NRXN1: variants seen among roughly 807,000 people sequenced by gnomAD.
NRXN1 encodes the protein neurexin-1.
In NRXN1, 39 loss-of-function variants were observed where a neutral mutation model predicts 150.9. The observed-to-expected ratio is 0.26, with a 90% confidence interval of 0.20 to 0.34. The LOEUF (loss-of-function observed/expected upper bound fraction) is 0.34, where lower values mean the gene tolerates loss of function less well. NRXN1 is among the 10% of genes least tolerant of loss of function. NRXN1 has a pLI of 1.00. For synonymous variants in NRXN1, 924 were observed against 757.0 expected (o/e 1.22, Z -3.62); for missense variants, 1,815 against 1,949.9 (o/e 0.93, Z 1.30).
At chr2:50,990,842 G>A (rs559678777) in intron 2 of NRXN1, among the ~76,000 whole-genome samples, 1 of 152,090 alleles carries the variant, frequency 6.6e-6, no homozygotes, top group Admixed American at 6.6e-5. Flanking sequence ...TTTCCCAGGT[G>A]GAGACCTCGC....
intron 19 of NRXN1, among the ~76,000 whole-genome samples, chr2:50,087,034 CT>C (rs1460101333): frequency 1.3e-5 from 2 of 152,062 alleles, no homozygotes; most frequent in Admixed American, 6.5e-5. Flanking sequence ...CTAATCCTTC[CT>C]AAATGAATGC....
chr2:50,595,188 CTGAGTA>C (rs989571424), intron 8 of NRXN1, among the ~76,000 whole-genome samples: 3 of 151,868 alleles, frequency 2.0e-5, no homozygotes, highest in African/African-American at 7.3e-5. Context: ...CCTCAGTGTG[CTGAGTA>C]TAAGACACTC....
At chr2:50,080,252 T>C (rs565855263) in intron 19 of NRXN1, among the ~76,000 whole-genome samples, 1 of 152,298 alleles carries the variant, frequency 6.6e-6, no homozygotes, top group African/African-American at 2.4e-5. Flanking sequence ...ACTTTTATTA[T>C]GGCATATTGT....
At chr2:50,748,049 C>A (rs1255462673) in intron 5 of NRXN1, among the ~76,000 whole-genome samples, 4 of 152,176 alleles carry the variant, frequency 2.6e-5, no homozygotes. Context: ...TCACAAGCAT[C>A]ACTTCCCTTA....
intron 9 of NRXN1, among the ~76,000 whole-genome samples, chr2:50,549,561 T>C (rs1047878018): frequency 2.0e-5 from 3 of 152,208 alleles, no homozygotes; most frequent in African/African-American, 4.8e-5. Context: ...TCGTTTATTT[T>C]CTTTCTTAGA....
chr2:50,525,317 C>T (rs1460129839), intron 12 of NRXN1, among the ~76,000 whole-genome samples: 1 of 152,170 alleles, frequency 6.6e-6, no homozygotes, highest in South Asian at 2.1e-4. Flanking sequence ...TGTGTTCCTT[C>T]GTTAATTCAG....
At chr2:50,511,861 T>A (rs1339288215) in intron 12 of NRXN1, among the ~76,000 whole-genome samples, 1 of 152,202 alleles carries the variant, frequency 6.6e-6, no homozygotes, top group African/African-American at 2.4e-5. Flanking sequence ...TGACTTTTAC[T>A]TCCATTTTCA....
chr2:50,083,059 A>T (rs1379784548), intron 19 of NRXN1, among the ~76,000 whole-genome samples: 2 of 152,208 alleles, frequency 1.3e-5, no homozygotes, highest in African/African-American at 4.8e-5. Flanking sequence ...TTGCCTGGAC[A>T]ATTATCAAAT....
At chr2:50,860,041 G>C (rs1263544044) in intron 5 of NRXN1, among the ~76,000 whole-genome samples, 1 of 151,910 alleles carries the variant, frequency 6.6e-6, no homozygotes, top group African/African-American at 2.4e-5. Context: ...TTAAAATCTA[G>C]TTTAGCATGG....
At chr2:49,998,111 A>G (rs995288196) in intron 21 of NRXN1, among the ~76,000 whole-genome samples, 2 of 152,210 alleles carry the variant, frequency 1.3e-5, no homozygotes, top group African/African-American at 4.8e-5. Flanking sequence ...TGTAGTCTGC[A>G]TGCTTTTATC....
intron 12 of NRXN1, among the ~76,000 whole-genome samples, chr2:50,522,355 T>C (rs2092811267): frequency 6.6e-6 from 1 of 152,230 alleles, no homozygotes; most frequent in Non-Finnish European, 1.5e-5. Flanking sequence ...TTGAAGAGAA[T>C]TTGATCAATT....
chr2:50,069,123 C>T (rs1320872435), intron 19 of NRXN1, among the ~76,000 whole-genome samples: 1 of 152,162 alleles, frequency 6.6e-6, no homozygotes, highest in Non-Finnish European at 1.5e-5. Flanking sequence ...AAAAGCTGTT[C>T]CCAGAATAAG....
intron 5 of NRXN1, among the ~76,000 whole-genome samples, chr2:50,685,378 C>T (rs1691070660): frequency 1.3e-5 from 2 of 152,128 alleles, no homozygotes; most frequent in Non-Finnish European, 2.9e-5. Flanking sequence ...CCTGATCTGA[C>T]CTTACTGCCA....
intron 21 of NRXN1, chr2:50,016,596 G>C (rs1421688628): frequency 6.6e-6 from 1 of 152,168 alleles, no homozygotes; most frequent in Non-Finnish European, 1.5e-5. Flanking sequence ...AGAGAAATTA[G>C]TGCCCGCAGG....
rs77951147 is a variant in NRXN1 at position 50,885,386 on chromosome 2, C to CA, written c.832+36482dup. Among the ~76,000 whole-genome samples, 907 of 143,212 alleles carry CA rather than the reference C, an allele frequency of 6.3e-3. 6 individuals are homozygous for CA. The highest frequency in any genetic ancestry group is 8.7e-3 in the South Asian group (40 of 4,602). 94.0% of individuals were successfully genotyped at this position (143,212 alleles called of 152,430 possible). ...GTTAAACTTGCTAACCATAAACTAC[C>CA]AAAAAAAAAAACCCACAAGTGATAT... On this transcript the variant is annotated intron_variant, in intron 5 of 22. Coordinates refer to ENST00000401669, the MANE Select transcript of NRXN1 (RefSeq NM_001330078.2).
At chr2:50,371,089 A>G (rs1174883564) in intron 17 of NRXN1, among the ~76,000 whole-genome samples, 1 of 152,022 alleles carries the variant, frequency 6.6e-6, no homozygotes, top group Non-Finnish European at 1.5e-5. Context: ...CTTCAAGTGG[A>G]TAAACTTAGC....
chr2:50,110,107 A>G (rs1702177882), intron 18 of NRXN1, among the ~76,000 whole-genome samples: 1 of 152,174 alleles, frequency 6.6e-6, no homozygotes, highest in Non-Finnish European at 1.5e-5. Flanking sequence ...ACCTAAGGCC[A>G]ATGTGTAATG....
chr2:50,366,174 C>G (rs1422674641), intron 17 of NRXN1, among the ~76,000 whole-genome samples: 2 of 139,256 alleles, frequency 1.4e-5, no homozygotes, highest in Admixed American at 7.4e-5. Context: ...TTTTTTACAT[C>G]CAGAGTTGGA....
intron 22 of NRXN1, among the ~76,000 whole-genome samples, chr2:49,939,664 A>G (rs1043113865): frequency 1.3e-5 from 2 of 152,182 alleles, no homozygotes; most frequent in Non-Finnish European, 2.9e-5. Flanking sequence ...AGCCAGGAAA[A>G]GTAACAGCAT....
Sources: gnomAD v4.1 joint callset for allele counts (sites outside exome capture counted in the v4.1 genomes callset) on GRCh38, gnomAD v4.1.1 for gene constraint, MANE v1.5 for transcripts, NCBI Gene and HGNC (gene_info 2026-07-23, HGNC 2026-07-21) for gene names.